Variants in ZBTB20 observed in about 807,000 individuals in gnomAD.
The protein encoded by ZBTB20 is zinc finger and BTB domain containing 20, also known as zinc finger and BTB domain-containing protein 20.
Under a neutral mutation model 56.9 loss-of-function variants are expected in ZBTB20, and 9 were observed. The observed-to-expected ratio is 0.16, with a 90% CI of 0.10 to 0.28. The LOEUF (loss-of-function observed/expected upper bound fraction) is 0.28. Ranked by LOEUF, ZBTB20 falls within the 10% of genes least tolerant of loss-of-function variation. The pLI, the probability that ZBTB20 is intolerant of heterozygous loss-of-function variation, is 1.00. For missense variants in ZBTB20, 655 were observed against 1,003.0 expected (o/e 0.65, Z 4.69); for synonymous variants, 417 against 420.7 (o/e 0.99, Z 0.11).
At chr3:114,830,826 A>G (rs116037197) in intron 4 of ZBTB20, among the ~76,000 whole-genome samples, 31 of 152,020 alleles carry the variant, frequency 2.0e-4, no homozygotes, top group African/African-American at 7.2e-4. Context: ...GACCTAACTG[A>G]GCATAATTGC....
intron 7 of ZBTB20, among the ~76,000 whole-genome samples, chr3:114,444,873 C>G (rs998669336): frequency 6.6e-6 from 1 of 151,724 alleles, no homozygotes; most frequent in African/African-American, 2.4e-5. Flanking sequence ...TTAAGTTTTT[C>G]TCGTAAATTT....
intron 6 of ZBTB20, among the ~76,000 whole-genome samples, chr3:114,570,114 A>G (rs1444199365): frequency 2.0e-5 from 3 of 152,172 alleles, no homozygotes; most frequent in Non-Finnish European, 4.4e-5. Flanking sequence ...AAGGATAACA[A>G]TTTGGGGGAA....
At chr3:114,609,459 G>C (rs924061464) in intron 6 of ZBTB20, among the ~76,000 whole-genome samples, 19 of 152,068 alleles carry the variant, frequency 1.2e-4, no homozygotes, top group African/African-American at 4.6e-4. Flanking sequence ...AGCCTGCTCT[G>C]CTTGTTTTGC....
chr3:114,850,611 C>T (rs976806269), intron 4 of ZBTB20, among the ~76,000 whole-genome samples: 1 of 152,178 alleles, frequency 6.6e-6, no homozygotes, highest in African/African-American at 2.4e-5. Flanking sequence ...ACCCAAGGCC[C>T]TGCATTATGT....
chr3:115,052,895 A>G (rs1471457025), intron 2 of ZBTB20, among the ~76,000 whole-genome samples: 1 of 152,216 alleles, frequency 6.6e-6, no homozygotes, highest in African/African-American at 2.4e-5. Context: ...TTTAGTAATA[A>G]TAATTTTCAT....
In ZBTB20 at chr3:114,846,727, A is replaced by G. The variant is rs1263558646; in HGVS notation, c.-416-45553T>C. Among the ~76,000 whole-genome samples the G allele has an allele frequency of 1.1e-4, 16 of 152,336 alleles. No individual in the cohort carries two copies. The East Asian group carries it at 3.1e-3, about 29-fold the overall frequency. The stretch of plus-strand genomic sequence containing the variant: ...TTTTACTACCAGGCTTTTCTGAACC[A>G]TTCTGTGTGAATTCAATACTGCCTG... On this transcript the variant is annotated intron_variant, in intron 4 of 11. Coordinates refer to ENST00000675478, the MANE Select transcript of ZBTB20 (RefSeq NM_001348800.3).
At chr3:114,743,805 A>C (rs968670225) in intron 5 of ZBTB20, 3 of 152,208 alleles carry the variant, frequency 2.0e-5, no homozygotes, top group African/African-American at 7.2e-5. Context: ...GATGGTCCAT[A>C]AAATTGTTAT....
At chr3:114,408,841 C>T (rs941202612) in intron 7 of ZBTB20, among the ~76,000 whole-genome samples, 1 of 151,976 alleles carries the variant, frequency 6.6e-6, no homozygotes, top group Non-Finnish European at 1.5e-5. Flanking sequence ...GTTAAAAATC[C>T]CCGGGAGAAG....
intron 4 of ZBTB20, among the ~76,000 whole-genome samples, chr3:114,821,576 C>G (rs1047772654): frequency 2.0e-5 from 3 of 152,054 alleles, no homozygotes; most frequent in Admixed American, 6.6e-5. Flanking sequence ...ACATCAATGT[C>G]AACAAACAAG....
chr3:115,131,526 A>G (rs2084505624), intron 1 of ZBTB20, among the ~76,000 whole-genome samples: 1 of 152,100 alleles, frequency 6.6e-6, no homozygotes, highest in Non-Finnish European at 1.5e-5. Flanking sequence ...TGGGATTACT[A>G]TTTTCTGCAG....
intron 7 of ZBTB20, among the ~76,000 whole-genome samples, chr3:114,475,400 G>C (rs1412155665): frequency 6.6e-6 from 1 of 152,142 alleles, no homozygotes; most frequent in Non-Finnish European, 1.5e-5. Flanking sequence ...TCCGTTGCTA[G>C]ATTAAAACTT....
At chr3:115,044,417 T>C (rs916041003) in intron 2 of ZBTB20, among the ~76,000 whole-genome samples, 1 of 152,180 alleles carries the variant, frequency 6.6e-6, no homozygotes, top group Non-Finnish European at 1.5e-5. Context: ...AGACCTCCAA[T>C]GAGAAGGCAA....
intron 7 of ZBTB20, among the ~76,000 whole-genome samples, chr3:114,469,010 C>CAAAAAAAA (rs1164804884): frequency 1.8e-4 from 12 of 67,042 alleles, no homozygotes; most frequent in African/African-American, 2.0e-4. Context: ...TCAAGAGAAG[C>CAAAAAAAA]AAAAAAAAAA....
intron 10 of ZBTB20, among the ~76,000 whole-genome samples, chr3:114,368,820 C>T (rs1345726375): frequency 6.6e-6 from 1 of 152,154 alleles, no homozygotes; most frequent in Non-Finnish European, 1.5e-5. Context: ...ATTACTTAGG[C>T]CACTTCAGGA....
At chr3:114,593,890 A>C (rs1372088888) in intron 6 of ZBTB20, among the ~76,000 whole-genome samples, 3 of 151,626 alleles carry the variant, frequency 2.0e-5, no homozygotes, top group Admixed American at 2.0e-4. Flanking sequence ...CTTTTAAACA[A>C]CTCCTTCAAG....
chr3:114,529,179 G>A (rs2047560993), intron 6 of ZBTB20: 1 of 152,210 alleles, frequency 6.6e-6, no homozygotes, highest in African/African-American at 2.4e-5. Context: ...ACCAAATTCT[G>A]GTGAGTGGGA....
rs1576166382 is a variant in ZBTB20 at position 114,319,597 on chromosome 3, G to C, written c.*19408C>G. 1 of 152,122 alleles carries C rather than the reference G, an allele frequency of 6.6e-6. No individual in the cohort carries two copies. The highest frequency in any genetic ancestry group is 2.4e-5 in the African/African-American group (1 of 41,408). 9.4% of individuals were successfully genotyped at this position (152,122 alleles called of 1,614,324 possible). ...TTTGGTATTGGGGAATGTTGACGAA[G>C]GGAGATCAGGTTTCAAGATTGGATT... On this transcript the variant is annotated 3_prime_UTR_variant, in exon 12 of 12. Coordinates refer to ENST00000675478, the MANE Select transcript of ZBTB20 (RefSeq NM_001348800.3).
At chr3:114,707,256 A>G (rs376576753) in intron 5 of ZBTB20, among the ~76,000 whole-genome samples, 195 of 152,310 alleles carry the variant, frequency 1.3e-3, no homozygotes, top group African/African-American at 4.1e-3. Flanking sequence ...TGGAATTTTT[A>G]CATCAGTGCT....
At chr3:114,438,328 A>C (rs1322864457) in intron 7 of ZBTB20, among the ~76,000 whole-genome samples, 1 of 151,266 alleles carries the variant, frequency 6.6e-6, no homozygotes, top group East Asian at 2.0e-4. Flanking sequence ...CATCAATTTA[A>C]TGACTGAAGC....
Sources: allele counts gnomAD v4.1 joint callset (sites outside exome capture counted in the v4.1 genomes callset), GRCh38; gene constraint gnomAD v4.1.1; transcripts MANE v1.5; gene names NCBI Gene and HGNC (gene_info 2026-07-23, HGNC 2026-07-21).